KIAA1958: variants seen among roughly 807,000 people sequenced by gnomAD.
The protein encoded by KIAA1958 is uncharacterized protein KIAA1958.
In KIAA1958, 14 loss-of-function variants were observed where a neutral mutation model predicts 47.2. The observed-to-expected ratio is 0.30, with a 90% CI of 0.20 to 0.46. The LOEUF (loss-of-function observed/expected upper bound fraction) is 0.46, where lower values mean the gene tolerates loss of function less well. KIAA1958 is among the 20% of genes least tolerant of loss of function. The pLI, the probability that KIAA1958 is intolerant of heterozygous loss-of-function variation, is 1.00. For missense variants in KIAA1958, 803 were observed against 909.2 expected (o/e 0.88, Z 1.50); for synonymous variants, 354 against 353.3 (o/e 1.00, Z -0.02).
intron 2 of KIAA1958, among the ~76,000 whole-genome samples, chr9:112,627,658 G>A (rs1482710157): frequency 6.6e-6 from 1 of 152,212 alleles, no homozygotes; most frequent in Non-Finnish European, 1.5e-5. Flanking sequence ...GGAGGCTGAG[G>A]CAGGAGCATT....
chr9:112,609,367 T>C (rs953064480), intron 2 of KIAA1958, among the ~76,000 whole-genome samples: 3 of 152,154 alleles, frequency 2.0e-5, no homozygotes, highest in East Asian at 1.9e-4. Flanking sequence ...TCTAATAAAA[T>C]ACTAGTATAG....
intron 2 of KIAA1958, among the ~76,000 whole-genome samples, chr9:112,612,095 A>G (rs969567491): frequency 3.3e-5 from 5 of 152,118 alleles, no homozygotes; most frequent in African/African-American, 4.8e-5. Context: ...AATTAATAAT[A>G]TGTAAATAGT....
intron 2 of KIAA1958, among the ~76,000 whole-genome samples, chr9:112,576,076 T>C (rs1835640349): frequency 6.6e-6 from 1 of 152,150 alleles, no homozygotes; most frequent in Non-Finnish European, 1.5e-5. Flanking sequence ...ATTTCAGCCC[T>C]TCTCAAAAAC....
At chr9:112,584,772 A>G (rs1256109894) in intron 2 of KIAA1958, among the ~76,000 whole-genome samples, 1 of 152,240 alleles carries the variant, frequency 6.6e-6, no homozygotes, top group Non-Finnish European at 1.5e-5. Flanking sequence ...GAAATGACAC[A>G]CAAAGAAGGT....
intron 1 of KIAA1958, among the ~76,000 whole-genome samples, chr9:112,507,758 T>C (rs1015576012): frequency 5.9e-5 from 9 of 152,080 alleles, no homozygotes; most frequent in Admixed American, 3.9e-4. Flanking sequence ...CTGTTTTTCT[T>C]TCTCTCTCTC....
Position 112,645,666 on chromosome 9 carries a change from C to G in KIAA1958, c.1188C>G (p.Leu396=). Residue 396 remains leucine (L), a synonymous_variant, in exon 3 of 4, where the codon CTC becomes CTG. Transcript: ENST00000337530. ...TATTTCTAGCTTATTCCACTAAGCT[C>G]AACAAATTTCCTGTATTTAATATTA... ...AQCIPAYSTK[L]NKFPVFNIND... The G allele has an allele frequency of 1.2e-6, 2 of 1,604,830 alleles. No individual in the cohort carries two copies. Among genetic ancestry groups the G allele is most frequent in the East Asian group, 4.5e-5 (2 of 44,488 alleles).
At chr9:112,601,623 G>A (rs547335171) in intron 2 of KIAA1958, among the ~76,000 whole-genome samples, 6 of 152,216 alleles carry the variant, frequency 3.9e-5, no homozygotes, top group Non-Finnish European at 8.8e-5. Context: ...CTTGCAGCAC[G>A]CACAGTGCCT....
chr9:112,659,130 C>G (rs1048502240), intron 3 of KIAA1958, 133 bp from the exon 4 acceptor site: 1 of 698,216 alleles, frequency 1.4e-6, no homozygotes, highest in Non-Finnish European at 2.4e-6. Flanking sequence ...TTGAAATTCA[C>G]TGTTCTTTCC....
At chr9:112,498,683 T>G (rs1384564962) in intron 1 of KIAA1958, among the ~76,000 whole-genome samples, 1 of 152,224 alleles carries the variant, frequency 6.6e-6, no homozygotes, top group African/African-American at 2.4e-5. Context: ...GAGTAATATT[T>G]CAATATGTGT....
intron 1 of KIAA1958, among the ~76,000 whole-genome samples, chr9:112,552,397 T>C (rs1347095332): frequency 6.6e-6 from 1 of 152,226 alleles, no homozygotes; most frequent in Non-Finnish European, 1.5e-5. Context: ...ACCGTGTTCA[T>C]AGTAATCCAC....
intron 1 of KIAA1958, among the ~76,000 whole-genome samples, chr9:112,553,240 C>T (rs1347793227): frequency 6.7e-6 from 1 of 149,710 alleles, no homozygotes; most frequent in Non-Finnish European, 1.5e-5. Context: ...GGCCAGAGTG[C>T]AGTGGTATGA....
chr9:112,633,684 TG>T (rs1237483975), intron 2 of KIAA1958, among the ~76,000 whole-genome samples: 2 of 152,184 alleles, frequency 1.3e-5, no homozygotes, highest in African/African-American at 4.8e-5. Flanking sequence ...TCATTTTATC[TG>T]GTTTTTAATT....
In KIAA1958 at chr9:112,574,243, G is replaced by T; in HGVS notation, c.163G>T (p.Ala55Ser). The T allele has an allele frequency of 1.9e-6, 3 of 1,614,114 alleles. No individual in the cohort carries two copies. The highest frequency in any genetic ancestry group is 1.1e-5 in the South Asian group (1 of 91,076). ...TAMWGCSAGH[A>S]YHWPLTATCR... ...AATGTGGGGCTGTAGTGCTGGCCAT[G>T]CTTATCACTGGCCACTAACAGCTAC... is the stretch of plus-strand genomic sequence containing the variant. Residue 55 changes from alanine (A) to serine (S), a missense_variant, in exon 2 of 4, where the codon GCT (alanine) becomes TCT (serine). Ala to Ser is a moderately conservative substitution (Grantham distance 99). This residue lies in a region of KIAA1958 where 42 missense variants were observed against 79.9 expected (regional missense o/e 0.53). Coordinates refer to ENST00000337530, the MANE Select transcript of KIAA1958 (RefSeq NM_133465.4).
chr9:112,623,796 G>A (rs1836551783), intron 2 of KIAA1958, among the ~76,000 whole-genome samples: 1 of 152,200 alleles, frequency 6.6e-6, no homozygotes, highest in African/African-American at 2.4e-5. Flanking sequence ...AGGGAAGTGG[G>A]AGGGTCTAGG....
At chr9:112,591,115 G>A (rs912818203) in intron 2 of KIAA1958, among the ~76,000 whole-genome samples, 5 of 152,002 alleles carry the variant, frequency 3.3e-5, no homozygotes, top group African/African-American at 1.2e-4. Context: ...ACAGAGTCTC[G>A]CTCTGTCGCC....
rs57108785 is a variant in KIAA1958, at chr9:112,487,946, C to CGTGTGTGTGTGT, written c.-25+845_-25+856dup. 3.3e-3 allele frequency among the ~76,000 whole-genome samples: 486 copies of CGTGTGTGTGTGT among 145,840 alleles called. 2 individuals are homozygous for CGTGTGTGTGTGT. Among genetic ancestry groups the CGTGTGTGTGTGT allele is most frequent in the South Asian group, 5.1e-3 (23 of 4,538 alleles). ...CAATTATATGTATTTAGTGTGTGTGCGTGTGTGTGTGTGTGTGTGTGTGTG... is the reference window on the plus strand; with the variant it reads ...CAATTATATGTATTTAGTGTGTGTGCGTGTGTGTGTGTGTGTGTGTGTGTGTGTGTGTGTGTG... On this transcript the variant is annotated intron_variant, in intron 1 of 3. Coordinates refer to ENST00000337530, the MANE Select transcript of KIAA1958 (RefSeq NM_133465.4).
Position 112,668,173 on chromosome 9 carries a change from G to C in KIAA1958, c.*8104G>C, listed in dbSNP as rs1020729753. 1.5e-5 allele frequency: 2 copies of C among 129,326 alleles called. No individual in the cohort carries two copies. The highest frequency in any genetic ancestry group is 6.3e-5 in the African/African-American group (2 of 31,956). 8.0% of individuals were successfully genotyped at this position (129,326 alleles called of 1,614,324 possible). A position where few individuals can be genotyped will look rare whatever the true frequency, so the allele number is the denominator to read the frequency against. On this transcript the variant is annotated 3_prime_UTR_variant, in exon 4 of 4. Coordinates refer to ENST00000337530, the MANE Select transcript of KIAA1958 (RefSeq NM_133465.4). ...AAAGCCAAGGAGTCCCCTGCGTTGG[G>C]GGTGTAATAACCTAGACTAGAGCTT...
intron 2 of KIAA1958, among the ~76,000 whole-genome samples, chr9:112,621,897 A>T (rs1836514954): frequency 6.6e-6 from 1 of 152,098 alleles, no homozygotes; most frequent in Admixed American, 6.6e-5. Context: ...CTACAAGTGC[A>T]CACCATCACA....
chr9:112,527,920 G>A (rs1834685594), intron 1 of KIAA1958, among the ~76,000 whole-genome samples: 1 of 140,684 alleles, frequency 7.1e-6, no homozygotes, highest in Non-Finnish European at 1.5e-5. Context: ...CTGGGTGACT[G>A]AGTGAGACCC....
Sources: gnomAD v4.1 joint callset for allele counts (sites outside exome capture counted in the v4.1 genomes callset) on GRCh38, gnomAD v4.1.1 for gene constraint, gnomAD v4.1.1 regional missense constraint, MANE v1.5 for transcripts, NCBI Gene and HGNC (gene_info 2026-07-23, HGNC 2026-07-21) for gene names.